TRAPPC9: variants seen among roughly 807,000 people sequenced by gnomAD.
TRAPPC9 encodes the protein IKK2 binding protein.
A neutral mutation model predicts 124.0 loss-of-function variants in TRAPPC9; 83 were observed. The ratio of observed to expected loss-of-function variants is 0.67; its 90% confidence interval spans 0.56 to 0.80. The LOEUF is 0.80. Among genes scored for constraint, TRAPPC9 ranks in the 30% least tolerant of loss-of-function variants. The pLI, the probability that TRAPPC9 is intolerant of heterozygous loss-of-function variation, is 0.00. For missense variants in TRAPPC9, 1,302 were observed against 1,508.3 expected (o/e 0.86, Z 2.27); for synonymous variants, 638 against 617.5 (o/e 1.03, Z -0.49).
At chr8:140,067,696 T>C (rs901432775) in intron 17 of TRAPPC9, among the ~76,000 whole-genome samples, 17 of 152,174 alleles carry the variant, frequency 1.1e-4, no homozygotes, top group Admixed American at 9.2e-4. Flanking sequence ...AAAGGGACAA[T>C]ATAAACACAG....
chr8:140,161,385 T>G (rs1563808232), intron 17 of TRAPPC9, among the ~76,000 whole-genome samples: 1 of 149,732 alleles, frequency 6.7e-6, no homozygotes, highest in Non-Finnish European at 1.5e-5. Flanking sequence ...ATCCCCTAAC[T>G]GAAATGCTCA....
intron 21 of TRAPPC9, among the ~76,000 whole-genome samples, chr8:139,779,641 T>G (rs1007134942): frequency 5.9e-5 from 9 of 152,156 alleles, no homozygotes; most frequent in African/African-American, 2.2e-4. Flanking sequence ...CATGACAGAC[T>G]ATAAGTCAAA....
rs562681867 is a variant in TRAPPC9 at position 139,825,312 on chromosome 8, G to A, written c.3055+60567C>T. 7.2e-5 allele frequency among the ~76,000 whole-genome samples: 11 copies of A among 152,274 alleles called. No homozygotes were observed. The South Asian group carries it at 1.5e-3, about 20-fold the overall frequency. On this transcript the variant is annotated intron_variant, in intron 21 of 22. Transcript: ENST00000438773. The surrounding 1 kb of genome is among the most constrained non-coding windows in gnomAD (Gnocchi z 4.6). ...GCCACACTGGGTCCCACTCTTTCCC[G>A]CCGAATGGAGGAGAGGAGAAGCACA...
At position 139,910,109 on chromosome 8, in the gene TRAPPC9, G is replaced by C. The variant is rs79675886; in HGVS notation, c.2964+38C>G. On this transcript the variant is annotated intron_variant, in intron 20 of 22. Transcript: ENST00000438773. Reference sequence around the variant, plus strand: ...CTTAGAGGTTGGAACCCTGGGCAAAGGTGCCCCCAGGCCCAGGTGGCCCCT... The same window carrying C: ...CTTAGAGGTTGGAACCCTGGGCAAACGTGCCCCCAGGCCCAGGTGGCCCCT... 2.5e-3 allele frequency: 4,026 copies of C among 1,613,104 alleles called. 7 individuals are homozygous for C. The highest frequency in any genetic ancestry group is 3.1e-3 in the Non-Finnish European group (3,667 of 1,179,360).
At chr8:140,402,695 CA>C (rs879634035) in intron 6 of TRAPPC9, among the ~76,000 whole-genome samples, 238 of 121,978 alleles carry the variant, frequency 2.0e-3, no homozygotes, top group Middle Eastern at 4.5e-3. Flanking sequence ...AACCCTGTCT[CA>C]AAAAAAAAAA....
intron 16 of TRAPPC9, among the ~76,000 whole-genome samples, chr8:140,243,548 T>A (rs2063913354): frequency 6.6e-6 from 1 of 152,220 alleles, no homozygotes; most frequent in African/African-American, 2.4e-5. Context: ...AAGCATATTT[T>A]CCCCATGGTG....
chr8:139,881,929 G>A (rs1227251384), intron 21 of TRAPPC9, among the ~76,000 whole-genome samples: 2 of 152,288 alleles, frequency 1.3e-5, no homozygotes, highest in African/African-American at 2.4e-5. Flanking sequence ...TCCTGCCTGG[G>A]CCTCCCTCTG....
intron 7 of TRAPPC9, among the ~76,000 whole-genome samples, chr8:140,376,487 C>T (rs904949284): frequency 5.0e-5 from 7 of 139,150 alleles, no homozygotes; most frequent in Admixed American, 1.6e-4. Context: ...ACTTGGGAGA[C>T]GGAACTTGCA....
chr8:139,810,376 C>T (rs887606649), intron 21 of TRAPPC9, among the ~76,000 whole-genome samples: 14 of 152,124 alleles, frequency 9.2e-5, no homozygotes, highest in South Asian at 2.1e-4. Context: ...ACGACCATGA[C>T]GGATCCTGCG....
In TRAPPC9 at chr8:139,971,754, C is replaced by CACACACACAT. The variant is rs1554598191; in HGVS notation, c.2810+16971_2810+16972insATGTGTGTGT. Among the ~76,000 whole-genome samples, 7 of 146,102 alleles carry CACACACACAT rather than the reference C, an allele frequency of 4.8e-5. No individual in the cohort carries two copies. The East Asian group carries it at 8.1e-4, about 17-fold the overall frequency. ...ACACACACACATATATATATACACA[C>CACACACACAT]ACACACACACATATATATATACACA... is the stretch of plus-strand genomic sequence containing the variant. On this transcript the variant is annotated intron_variant, in intron 19 of 22. Transcript: ENST00000438773.
chr8:140,132,587 C>T (rs1421601849), intron 17 of TRAPPC9, among the ~76,000 whole-genome samples: 7 of 152,174 alleles, frequency 4.6e-5, no homozygotes, highest in South Asian at 2.1e-4. Context: ...GCAGTCCCCA[C>T]GCAGACGGCG....
chr8:139,840,623 G>T (rs1326527572), intron 21 of TRAPPC9, among the ~76,000 whole-genome samples: 1 of 152,210 alleles, frequency 6.6e-6, no homozygotes, highest in Non-Finnish European at 1.5e-5. Context: ...CACCAACGGG[G>T]ATTCTGCACT....
intron 17 of TRAPPC9, among the ~76,000 whole-genome samples, chr8:140,032,591 C>G (rs1001872749): frequency 1.3e-5 from 2 of 152,162 alleles, no homozygotes; most frequent in Non-Finnish European, 2.9e-5. Context: ...ACATGTGTGC[C>G]ATTCCATGGT....
rs1186271355 is a variant in TRAPPC9 at position 140,252,842 on chromosome 8, G to A, written c.2366C>T (p.Thr789Ile). The A allele has an allele frequency of 2.5e-6, 4 of 1,614,162 alleles. No homozygotes were observed. The highest frequency in any genetic ancestry group is 3.4e-6 in the Non-Finnish European group (4 of 1,180,022). ...PLQPGKVATFTINIKVKLDFS... is the reference protein window; with the variant it reads ...PLQPGKVATFIINIKVKLDFS... ...ATCCAGCTTCACTTTGATGTTGATT[G>A]TGAACGTGGCCACCTTCCCAGGCTG... Residue 789 changes from threonine to isoleucine, a missense_variant, in exon 16 of 23, where the codon ACA (threonine) becomes ATA (isoleucine). Physicochemically the swap from Thr to Ile is moderately conservative, Grantham distance 89 (BLOSUM62 -1). Coordinates refer to ENST00000438773, the MANE Select transcript of TRAPPC9 (RefSeq NM_001160372.4). This position sits in a 1 kb window ranked among gnomAD's most constrained non-coding sequence, Gnocchi z 4.2.
intron 19 of TRAPPC9, among the ~76,000 whole-genome samples, chr8:139,930,963 T>C (rs756804457): frequency 9.2e-5 from 14 of 152,160 alleles, no homozygotes; most frequent in African/African-American, 1.7e-4. Flanking sequence ...AAAAGGCACA[T>C]GCAGGGTGCC....
intron 17 of TRAPPC9, among the ~76,000 whole-genome samples, chr8:140,083,836 T>C (rs541709356): frequency 1.3e-5 from 2 of 152,068 alleles, no homozygotes; most frequent in South Asian, 4.2e-4. Context: ...CCAGCTAATT[T>C]TTGTATTTTT....
At chr8:140,012,050 T>A (rs1266486817) in intron 18 of TRAPPC9, among the ~76,000 whole-genome samples, 1 of 152,226 alleles carries the variant, frequency 6.6e-6, no homozygotes, top group Admixed American at 6.5e-5. Context: ...GACCTCATGA[T>A]CTGCCCGCCT....
intron 21 of TRAPPC9, among the ~76,000 whole-genome samples, chr8:139,803,843 C>T (rs1823738480): frequency 6.6e-6 from 1 of 152,160 alleles, no homozygotes; most frequent in East Asian, 1.9e-4. Flanking sequence ...CGGGCTGTGG[C>T]TGGGATTTTT....
chr8:140,273,000 T>G (rs901791465), intron 15 of TRAPPC9, among the ~76,000 whole-genome samples: 1 of 152,142 alleles, frequency 6.6e-6, no homozygotes, highest in Non-Finnish European at 1.5e-5. Context: ...CTGTCTCAAG[T>G]GCTTCACACA....
Sources: allele counts gnomAD v4.1 joint callset (sites outside exome capture counted in the v4.1 genomes callset), GRCh38; gene constraint gnomAD v4.1.1; non-coding constraint Gnocchi (gnomAD v3.1); transcripts MANE v1.5; gene names NCBI Gene and HGNC (gene_info 2026-07-23, HGNC 2026-07-21).